Variants in CATSPERE observed in about 807,000 individuals in gnomAD.
CATSPERE encodes the protein cation channel sperm-associated auxiliary subunit epsilon.
A neutral mutation model predicts 114.1 loss-of-function variants in CATSPERE; 93 were observed. The observed-to-expected ratio is 0.81, with a 90% CI of 0.69 to 0.97. The LOEUF (loss-of-function observed/expected upper bound fraction) is 0.97. Among genes scored for constraint, CATSPERE ranks in the 50% least tolerant of loss-of-function variants. The probability of loss-of-function intolerance (pLI) is 0.00; values close to 1 mark genes in which losing one functional copy is unlikely to be tolerated. For missense variants in CATSPERE, 1,058 were observed against 1,131.6 expected, an observed-to-expected ratio of 0.93 and a Z score of 0.93; for synonymous variants, 341 against 384.1, an observed-to-expected ratio of 0.89 and a Z score of 1.31.
intron 2 of CATSPERE, among the ~76,000 whole-genome samples, chr1:244,474,943 A>G (rs1336849472): frequency 2.0e-5 from 3 of 151,632 alleles, no homozygotes; most frequent in Non-Finnish European, 4.4e-5. Flanking sequence ...GGGTCTCCCT[A>G]TGTTGCTCAG....
At chr1:244,458,032 G>A (rs1387926857), upstream of CATSPERE, among the ~76,000 whole-genome samples, 1 of 152,090 alleles carries the variant, frequency 6.6e-6, no homozygotes, top group Non-Finnish European at 1.5e-5. Flanking sequence ...TTTAACAGTG[G>A]CTGCCCTAAA....
intron 7 of CATSPERE, among the ~76,000 whole-genome samples, chr1:244,500,742 C>A (rs778621713): frequency 2.6e-5 from 4 of 152,148 alleles, no homozygotes; most frequent in Non-Finnish European, 5.9e-5. Flanking sequence ...GTTTTGGTTA[C>A]TGTAGCTTTG....
intron 8 of CATSPERE, 53 bp from the exon 9 acceptor site, chr1:244,552,269 G>A: frequency 6.5e-7 from 1 of 1,539,624 alleles, no homozygotes; most frequent in East Asian, 2.2e-5. Context: ...AACTGTACAA[G>A]ATGGATCAGA....
chr1:244,508,104 T>G (rs1675094161), intron 7 of CATSPERE, among the ~76,000 whole-genome samples: 1 of 152,138 alleles, frequency 6.6e-6, no homozygotes, highest in Admixed American at 6.5e-5. Flanking sequence ...TACTGCAATA[T>G]GGAATGTCTT....
At chr1:244,479,028 C>CAAAAAA (rs1161485991) in intron 4 of CATSPERE, among the ~76,000 whole-genome samples, 1 of 47,514 alleles carries the variant, frequency 2.1e-5, no homozygotes, top group African/African-American at 8.8e-5. Context: ...AACTTCGTCT[C>CAAAAAA]AAAAAAAAAA....
intron 19 of CATSPERE, among the ~76,000 whole-genome samples, chr1:244,614,568 CAT>C (rs1491090216): frequency 2.0e-5 from 3 of 152,218 alleles, no homozygotes; most frequent in African/African-American, 4.8e-5. Flanking sequence ...AGCGGGAACA[CAT>C]GTGTTCTCTG....
intron 20 of CATSPERE, among the ~76,000 whole-genome samples, chr1:244,627,193 C>A (rs1323874553): frequency 6.6e-6 from 1 of 152,070 alleles, no homozygotes; most frequent in Non-Finnish European, 1.5e-5. Flanking sequence ...TCAGAGCATA[C>A]GTAACATTGA....
Position 244,634,204 on chromosome 1 carries a change from T to C in CATSPERE, c.2649-1285T>C, listed in dbSNP as rs1338912945. Among the ~76,000 whole-genome samples the C allele has an allele frequency of 2.0e-5, 3 of 152,254 alleles. No homozygotes were observed. In the East Asian group the frequency reaches 5.8e-4, roughly 29 times the overall value. On this transcript the variant is annotated intron_variant, in intron 20 of 21. Transcript: ENST00000366534. ...AGTATCTTGTATTGTTGTTTGTGGG[T>C]TGTATTTACATGCCAATTCCACAAG... is the stretch of plus-strand genomic sequence containing the variant.
intron 18 of CATSPERE, among the ~76,000 whole-genome samples, chr1:244,606,144 T>C (rs909694629): frequency 6.6e-6 from 1 of 152,204 alleles, no homozygotes; most frequent in Non-Finnish European, 1.5e-5. Flanking sequence ...ACGGACACTC[T>C]GGGCTTCGTC....
intron 6 of CATSPERE, among the ~76,000 whole-genome samples, chr1:244,494,203 A>T (rs564171208): frequency 6.6e-6 from 1 of 152,240 alleles, no homozygotes; most frequent in African/African-American, 2.4e-5. Flanking sequence ...GAACCAACCT[A>T]AATGTCCAAC....
intron 4 of CATSPERE, among the ~76,000 whole-genome samples, chr1:244,478,390 G>A (rs1669706021): frequency 6.6e-6 from 1 of 152,176 alleles, no homozygotes; most frequent in Admixed American, 6.5e-5. Context: ...AAATGAATTA[G>A]AATGAGGTTG....
At chr1:244,469,566 C>G (rs1362204362) in intron 2 of CATSPERE, among the ~76,000 whole-genome samples, 2 of 152,152 alleles carry the variant, frequency 1.3e-5, no homozygotes, top group Admixed American at 1.3e-4. Flanking sequence ...AAGGCATCCA[C>G]TTTGGAAAGG....
At chr1:244,627,498 C>G (rs1673357756) in intron 20 of CATSPERE, among the ~76,000 whole-genome samples, 1 of 151,914 alleles carries the variant, frequency 6.6e-6, no homozygotes, top group Non-Finnish European at 1.5e-5. Context: ...TCACTTGAGC[C>G]CAGAAGGTCA....
At chr1:244,497,613 A>G (rs1013576643) in intron 6 of CATSPERE, among the ~76,000 whole-genome samples, 1 of 152,136 alleles carries the variant, frequency 6.6e-6, no homozygotes, top group African/African-American at 2.4e-5. Flanking sequence ...CCTGGCCAAC[A>G]TGGCGAAACC....
chr1:244,481,101 C>CTA (rs1670201404), intron 5 of CATSPERE, among the ~76,000 whole-genome samples: 1 of 152,034 alleles, frequency 6.6e-6, no homozygotes, highest in Admixed American at 6.6e-5. Context: ...TTACGGTGAG[C>CTA]TATAATTACA....
intron 6 of CATSPERE, among the ~76,000 whole-genome samples, chr1:244,490,851 GTTAA>G (rs1214382743): frequency 6.6e-6 from 1 of 151,628 alleles, no homozygotes; most frequent in Non-Finnish European, 1.5e-5. Flanking sequence ...ATAAAAATAC[GTTAA>G]TTAACATATA....
At chr1:244,608,740 G>A (rs1670332849) in intron 18 of CATSPERE, among the ~76,000 whole-genome samples, 1 of 151,948 alleles carries the variant, frequency 6.6e-6, no homozygotes, top group Admixed American at 6.6e-5. Flanking sequence ...TATGCAGCGT[G>A]AGCTCCATAG....
chr1:244,462,804 C>G (rs761197896), intron 1 of CATSPERE, among the ~76,000 whole-genome samples: 2 of 151,968 alleles, frequency 1.3e-5, no homozygotes, highest in Non-Finnish European at 2.9e-5. Flanking sequence ...TTGTATAATT[C>G]TGATAAGGGA....
At chr1:244,467,417 A>G (rs1667770296) in intron 2 of CATSPERE, among the ~76,000 whole-genome samples, 1 of 152,234 alleles carries the variant, frequency 6.6e-6, no homozygotes, top group Non-Finnish European at 1.5e-5. Context: ...AGGGAGATGT[A>G]ATTACAAACC....
Sources: gnomAD v4.1 joint callset for allele counts (sites outside exome capture counted in the v4.1 genomes callset) on GRCh38, gnomAD v4.1.1 for gene constraint, MANE v1.5 for transcripts, NCBI Gene and HGNC (gene_info 2026-07-23, HGNC 2026-07-21) for gene names.